GABRG2: variants seen among roughly 807,000 people sequenced by gnomAD.
GABRG2 encodes gamma-aminobutyric acid receptor subunit gamma-2.
In GABRG2, 16 loss-of-function variants were observed where a neutral mutation model predicts 56.4. The observed-to-expected ratio is 0.28, with a 90% confidence interval of 0.19 to 0.43. The LOEUF (loss-of-function observed/expected upper bound fraction) is 0.43. Ranked by LOEUF, GABRG2 falls within the 20% of genes least tolerant of loss-of-function variation. The probability of loss-of-function intolerance (pLI) is 1.00; values close to 1 mark genes in which losing one functional copy is unlikely to be tolerated. For missense variants in GABRG2, 327 were observed against 582.7 expected (o/e 0.56, Z 4.52); for synonymous variants, 208 against 205.5 (o/e 1.01, Z -0.10).
intron 6 of GABRG2, among the ~76,000 whole-genome samples, chr5:162,134,369 A>G (rs979182061): frequency 1.3e-5 from 2 of 152,150 alleles, no homozygotes; most frequent in Non-Finnish European, 2.9e-5. Flanking sequence ...ATGGGTCAGA[A>G]CAGTGTTTAA....
chr5:162,147,800 C>G (rs962600564), intron 7 of GABRG2, among the ~76,000 whole-genome samples: 1 of 152,080 alleles, frequency 6.6e-6, no homozygotes, highest in Non-Finnish European at 1.5e-5. Flanking sequence ...TCTTTTCTGT[C>G]CCCCGTAAGA....
intron 6 of GABRG2, among the ~76,000 whole-genome samples, chr5:162,112,581 C>T (rs912269613): frequency 3.9e-5 from 6 of 152,094 alleles, no homozygotes; most frequent in East Asian, 1.9e-4. Context: ...ATTGCAGATA[C>T]GCACTTTTAA....
At chr5:162,081,227 T>G (rs1759639393) in intron 1 of GABRG2, among the ~76,000 whole-genome samples, 1 of 152,054 alleles carries the variant, frequency 6.6e-6, no homozygotes, top group Non-Finnish European at 1.5e-5. Context: ...TTTTTAAAAT[T>G]TTAAGCCCAA....
intron 8 of GABRG2, chr5:162,149,713 A>G (rs1184389837): frequency 2.0e-6 from 1 of 488,474 alleles, no homozygotes; most frequent in East Asian, 5.7e-5. Context: ...TCCTAGGTTC[A>G]AGCAATTCTC....
At chr5:162,133,036 G>A (rs775221599) in intron 6 of GABRG2, among the ~76,000 whole-genome samples, 2 of 151,884 alleles carry the variant, frequency 1.3e-5, no homozygotes, top group Non-Finnish European at 2.9e-5. Context: ...AACAGTGGGT[G>A]ACTGTAATAG....
intron 1 of GABRG2, among the ~76,000 whole-genome samples, chr5:162,075,558 C>T (rs1464178517): frequency 6.6e-6 from 1 of 152,056 alleles, no homozygotes; most frequent in Non-Finnish European, 1.5e-5. Context: ...GGACCCACAA[C>T]AGAAGAGATG....
chr5:162,077,878 C>A (rs1249157571), intron 1 of GABRG2, among the ~76,000 whole-genome samples: 1 of 151,938 alleles, frequency 6.6e-6, no homozygotes, highest in East Asian at 1.9e-4. Context: ...TTGAGCTCTA[C>A]ATGGGGTTGG....
intron 4 of GABRG2, chr5:162,099,704 G>C (rs546007235): frequency 6.6e-6 from 1 of 152,044 alleles, no homozygotes; most frequent in Non-Finnish European, 1.5e-5. Context: ...GTCATTTTGG[G>C]ACTTAATTTA....
intron 6 of GABRG2, among the ~76,000 whole-genome samples, chr5:162,134,294 A>T (rs1002523172): frequency 2.0e-5 from 3 of 151,984 alleles, no homozygotes; most frequent in African/African-American, 7.2e-5. Flanking sequence ...GTTGGTATAG[A>T]TTTATTCTAA....
chr5:162,141,270 C>T (rs955807076), intron 6 of GABRG2, among the ~76,000 whole-genome samples: 2 of 152,170 alleles, frequency 1.3e-5, no homozygotes, highest in African/African-American at 4.8e-5. Context: ...ATTTCCTGAC[C>T]TCATGATCCG....
chr5:162,102,503 C>A (rs552346184), intron 5 of GABRG2: 1 of 453,962 alleles, frequency 2.2e-6, no homozygotes, highest in Admixed American at 2.4e-5. Flanking sequence ...TGCCTCATAT[C>A]ATCATTTTTG....
At chr5:162,132,833 A>C (rs1763853352) in intron 6 of GABRG2, among the ~76,000 whole-genome samples, 1 of 152,060 alleles carries the variant, frequency 6.6e-6, no homozygotes, top group East Asian at 1.9e-4. Context: ...ACTTCTGCAA[A>C]AGGTAAATTA....
Position 162,101,257 on chromosome 5 carries a change from C to T in GABRG2, c.571C>T (p.Gln191Ter), listed in dbSNP as rs1334776746. 6.2e-7 allele frequency: 1 copy of T among 1,609,720 alleles called. No homozygotes were observed. The highest frequency in any genetic ancestry group is 1.3e-5 in the African/African-American group (1 of 74,728). The change falls in exon 5 of 10, where the codon CAA (glutamine) becomes TAA (stop). Residue 191 changes from glutamine (Q) to a stop codon, truncating the protein, a stop_gained. Coordinates refer to ENST00000639213, the MANE Select transcript of GABRG2 (RefSeq NM_198904.4). LOFTEE classifies it high-confidence loss of function. ...TLRLTIDAEC[Q>*]LQLHNFPMDE... ...TAGGTTGACAATTGATGCTGAGTGCCAATTACAATTGCACAACTTTCCAAT... is the reference window on the plus strand; with the variant it reads ...TAGGTTGACAATTGATGCTGAGTGCTAATTACAATTGCACAACTTTCCAAT...
At chr5:162,135,317 G>A (rs897099625) in intron 6 of GABRG2, among the ~76,000 whole-genome samples, 1 of 152,018 alleles carries the variant, frequency 6.6e-6, no homozygotes, top group African/African-American at 2.4e-5. Context: ...TCCAGAAGCA[G>A]TAATTTGTAA....
intron 6 of GABRG2, among the ~76,000 whole-genome samples, chr5:162,139,939 A>G (rs1202346911): frequency 6.6e-6 from 1 of 152,176 alleles, no homozygotes; most frequent in Non-Finnish European, 1.5e-5. Context: ...AAGAAATGAG[A>G]AAGAAAAAGA....
At chr5:162,102,560 G>A (rs757866706) in intron 5 of GABRG2, 7 of 454,040 alleles carry the variant, frequency 1.5e-5, no homozygotes, top group South Asian at 3.1e-5. Flanking sequence ...ACAGGGTCTC[G>A]TTCTATTGCC....
intron 1 of GABRG2, among the ~76,000 whole-genome samples, chr5:162,086,248 T>C (rs1760100288): frequency 6.6e-6 from 1 of 152,048 alleles, no homozygotes; most frequent in South Asian, 2.1e-4. Context: ...ACTAAGTTAA[T>C]TTCCACAAAT....
At chr5:162,109,216 G>A (rs563392774) in intron 6 of GABRG2, among the ~76,000 whole-genome samples, 2 of 151,716 alleles carry the variant, frequency 1.3e-5, no homozygotes, top group African/African-American at 4.8e-5. Context: ...CACAGGAAGG[G>A]GAACATCACA....
In GABRG2 at chr5:162,153,388, A is replaced by G; in HGVS notation, c.*20A>G. The stretch of plus-strand genomic sequence containing the variant: ...CTGTGAGGAGGTATGGGTTTTACTG[A>G]TATGGTTCTTATTCACTGAGTCTCA... On this transcript the variant is annotated 3_prime_UTR_variant, in exon 10 of 10. Coordinates refer to ENST00000639213, the MANE Select transcript of GABRG2 (RefSeq NM_198904.4). The G allele has an allele frequency of 6.2e-7, 1 of 1,613,016 alleles. No homozygotes were observed. Among genetic ancestry groups the G allele is most frequent in the East Asian group, 2.2e-5 (1 of 44,848 alleles).
Sources: gnomAD v4.1 joint callset for allele counts (sites outside exome capture counted in the v4.1 genomes callset) on GRCh38, gnomAD v4.1.1 for gene constraint, MANE v1.5 for transcripts, NCBI Gene and HGNC (gene_info 2026-07-23, HGNC 2026-07-21) for gene names.